Variants in PACRG observed in about 807,000 individuals in gnomAD.
The protein encoded by PACRG is parkin coregulated gene protein.
A neutral mutation model predicts 29.7 loss-of-function variants in PACRG; 29 were observed. The observed-to-expected ratio is 0.98, with a 90% confidence interval of 0.73 to 1.33. The LOEUF (loss-of-function observed/expected upper bound fraction) is 1.33. Ranked by LOEUF, PACRG falls within the 40% of genes most tolerant of loss-of-function variation. PACRG has a pLI of 0.00. For synonymous variants in PACRG, 116 were observed against 118.7 expected, an observed-to-expected ratio of 0.98 and a Z score of 0.15; for missense variants, 279 against 316.2, an observed-to-expected ratio of 0.88 and a Z score of 0.89.
At chr6:163,052,239 A>G (rs1810092389) in intron 2 of PACRG, among the ~76,000 whole-genome samples, 1 of 152,212 alleles carries the variant, frequency 6.6e-6, no homozygotes, top group African/African-American at 2.4e-5. Context: ...TCTTTATTTT[A>G]GAAACGTCAC....
chr6:162,961,308 A>G (rs1319886947), intron 2 of PACRG, among the ~76,000 whole-genome samples: 3 of 149,430 alleles, frequency 2.0e-5, no homozygotes, highest in African/African-American at 7.6e-5. Context: ...ATTCCCCCAA[A>G]TCCTGATTGT....
At chr6:162,755,496 T>C (rs1781842404) in intron 1 of PACRG, among the ~76,000 whole-genome samples, 1 of 152,028 alleles carries the variant, frequency 6.6e-6, no homozygotes, top group African/African-American at 2.4e-5. Context: ...AGTGCAGTGG[T>C]GCAATCTCGG....
rs981344410 is a variant in PACRG, at chr6:163,271,747, G to T, written c.614-43080G>T. On this transcript the variant is annotated intron_variant, in intron 4 of 4. Transcript: ENST00000366888. ...ATTGGTCTTTTAAAGAATGTTCCTG[G>T]CAATTGTTGCTTGTGTATTTTCACA... Among the ~76,000 whole-genome samples, 3 of 152,250 alleles carry T rather than the reference G, an allele frequency of 2.0e-5. No homozygotes were observed. In the East Asian group the frequency reaches 5.8e-4, roughly 29 times the overall value.
intron 4 of PACRG, among the ~76,000 whole-genome samples, chr6:163,308,091 T>C (rs13219478): frequency 0.081 from 12,305 of 152,250 alleles, 548 homozygotes; most frequent in Non-Finnish European, 0.099. Context: ...AAACTGTAAA[T>C]ATCTTAAAAG....
chr6:163,209,048 A>C (rs1585334213), intron 4 of PACRG, among the ~76,000 whole-genome samples: 1 of 152,340 alleles, frequency 6.6e-6, no homozygotes, highest in Non-Finnish European at 1.5e-5. Flanking sequence ...AGTAATCTAT[A>C]GGCTGGCACT....
chr6:163,213,560 T>C (rs954764107), intron 4 of PACRG, among the ~76,000 whole-genome samples: 2 of 152,186 alleles, frequency 1.3e-5, no homozygotes, highest in African/African-American at 2.4e-5. Context: ...CTATTTAGGT[T>C]CTTTTTGGTG....
chr6:163,269,917 A>G (rs1783714784), intron 4 of PACRG, among the ~76,000 whole-genome samples: 1 of 85,890 alleles, frequency 1.2e-5, no homozygotes. Context: ...AAAGAAAGAA[A>G]GAAAGAAAGA....
At chr6:162,984,175 C>G (rs1326789505) in intron 2 of PACRG, among the ~76,000 whole-genome samples, 2 of 151,892 alleles carry the variant, frequency 1.3e-5, no homozygotes, top group Non-Finnish European at 2.9e-5. Flanking sequence ...TTCACCACCC[C>G]CACCATTTCC....
chr6:163,278,294 T>C (rs963301989), intron 4 of PACRG, among the ~76,000 whole-genome samples: 1 of 152,238 alleles, frequency 6.6e-6, no homozygotes, highest in Non-Finnish European at 1.5e-5. Context: ...GGTTGTCTGT[T>C]AACTCTGCTG....
chr6:163,049,860 A>G (rs1265181559), intron 2 of PACRG, among the ~76,000 whole-genome samples: 2 of 152,074 alleles, frequency 1.3e-5, no homozygotes, highest in Non-Finnish European at 2.9e-5. Context: ...CATCTCTGTG[A>G]AGCACGACTT....
At chr6:163,265,624 C>A (rs554838846) in intron 4 of PACRG, among the ~76,000 whole-genome samples, 1 of 152,170 alleles carries the variant, frequency 6.6e-6, no homozygotes, top group African/African-American at 2.4e-5. Context: ...TATTACTAAC[C>A]AAACCAATTG....
intron 2 of PACRG, among the ~76,000 whole-genome samples, chr6:162,852,870 A>T (rs1791043582): frequency 6.6e-6 from 1 of 152,202 alleles, no homozygotes; most frequent in Admixed American, 6.5e-5. Context: ...CTCATCACTG[A>T]TAAACTGTCG....
chr6:163,119,426 A>G (rs780408678), intron 4 of PACRG, among the ~76,000 whole-genome samples: 4 of 152,206 alleles, frequency 2.6e-5, no homozygotes, highest in Non-Finnish European at 5.9e-5. Flanking sequence ...TAGTAAAGAA[A>G]TTGGCTTTTC....
chr6:162,992,387 G>GT (rs1470881546), intron 2 of PACRG, among the ~76,000 whole-genome samples: 23 of 141,690 alleles, frequency 1.6e-4, no homozygotes, highest in Non-Finnish European at 2.7e-4. Context: ...TTTTTGGTTG[G>GT]TAAACTATTG....
intron 2 of PACRG, among the ~76,000 whole-genome samples, chr6:163,005,866 T>TAGTTATACGTGTTATATATATACAAC (rs1244155328): frequency 1.5e-5 from 2 of 137,876 alleles, no homozygotes; most frequent in African/African-American, 6.3e-5. Context: ...ATATACAACA[T>TAGTTATACGTGTTATATATATACAAC]AGTTATACGT....
chr6:162,790,421 C>A (rs1446750262), intron 1 of PACRG, among the ~76,000 whole-genome samples: 1 of 152,006 alleles, frequency 6.6e-6, no homozygotes, highest in Non-Finnish European at 1.5e-5. Context: ...GATCCAGGTT[C>A]AAAAATCTTA....
At chr6:163,092,897 T>C (rs115298035) in intron 4 of PACRG, among the ~76,000 whole-genome samples, 372 of 152,346 alleles carry the variant, frequency 2.4e-3, no homozygotes, top group African/African-American at 8.6e-3. Flanking sequence ...GAAAGTGTTG[T>C]GTGTGACCCA....
chr6:163,057,979 A>G (rs1461477686), intron 2 of PACRG, among the ~76,000 whole-genome samples: 2 of 152,142 alleles, frequency 1.3e-5, no homozygotes, highest in Non-Finnish European at 2.9e-5. Context: ...AAAATAACCA[A>G]TTTCTCCAAT....
chr6:162,800,516 C>T (rs1514335), intron 1 of PACRG, among the ~76,000 whole-genome samples: 85,051 of 151,972 alleles, frequency 0.56, 25,778 homozygotes, highest in African/African-American at 0.81. Context: ...TCTTTGGGAC[C>T]TCCTTATGTC....
Sources: gnomAD v4.1 joint callset for allele counts (sites outside exome capture counted in the v4.1 genomes callset) on GRCh38, gnomAD v4.1.1 for gene constraint, MANE v1.5 for transcripts, NCBI Gene and HGNC (gene_info 2026-07-23, HGNC 2026-07-21) for gene names.